CAST: variants seen among roughly 807,000 people sequenced by gnomAD.
The protein encoded by CAST is MIR583 host.
In CAST, 76 loss-of-function variants were observed where a neutral mutation model predicts 119.6. The ratio of observed to expected loss-of-function variants is 0.64; its 90% CI spans 0.53 to 0.77. CAST has a LOEUF of 0.77. Among genes scored for constraint, CAST ranks in the 30% least tolerant of loss-of-function variants. The pLI is 0.00. For missense variants in CAST, 953 were observed against 946.5 expected (o/e 1.01, Z -0.09); for synonymous variants, 319 against 331.6 (o/e 0.96, Z 0.41).
chr5:95,973,446 G>C, the CAST span: 1 of 152,940 alleles, frequency 6.5e-6, no homozygotes, highest in African/African-American at 2.4e-5. Flanking sequence ...ATGGTGGCCA[G>C]CATGGGTGTA....
At chr5:96,602,555 C>G (rs1424240113) in intron 1 of CAST, among the ~76,000 whole-genome samples, 1 of 152,150 alleles carries the variant, frequency 6.6e-6, no homozygotes, top group Non-Finnish European at 1.5e-5. Flanking sequence ...AGTCCGAGAC[C>G]AGCCTGGTCA....
At chr5:96,726,146 G>A (rs1331520476) in intron 4 of CAST, among the ~76,000 whole-genome samples, 11 of 152,172 alleles carry the variant, frequency 7.2e-5, no homozygotes, top group Non-Finnish European at 1.2e-4. Context: ...ACCCTAGTTT[G>A]TAATCTCTGA....
At chr5:96,382,304 C>T in the CAST span, among the ~76,000 whole-genome samples, 1 of 152,162 alleles carries the variant, frequency 6.6e-6, no homozygotes, top group Non-Finnish European at 1.5e-5. Flanking sequence ...CAGGTGAATT[C>T]TGCTGTTTGT....
chr5:96,551,852 C>G (rs923605193), intron 1 of CAST, among the ~76,000 whole-genome samples: 1 of 152,090 alleles, frequency 6.6e-6, no homozygotes, highest in African/African-American at 2.4e-5. Flanking sequence ...GGGATCAATT[C>G]AACAAGAAGA....
At chr5:96,696,695 A>AAAAAAAAAAAAC (rs1753334415) in intron 3 of CAST, among the ~76,000 whole-genome samples, 1 of 149,452 alleles carries the variant, frequency 6.7e-6, no homozygotes, top group Non-Finnish European at 1.5e-5. Flanking sequence ...CTAAAAAAAA[A>AAAAAAAAAAAAC]AAAATTAAAA....
intron 16 of CAST, chr5:96,743,866 G>T: frequency 1.4e-6 from 1 of 696,268 alleles, no homozygotes. Context: ...GAATCCTGGG[G>T]GGAGTCAGGA....
intron 1 of CAST, among the ~76,000 whole-genome samples, chr5:96,567,107 C>T (rs766141755): frequency 4.9e-4 from 75 of 152,172 alleles, no homozygotes; most frequent in Non-Finnish European, 9.3e-4. Context: ...AAGAAGAGAG[C>T]TCATTCATTA....
At chr5:96,744,182 A>G (rs950917993) in intron 16 of CAST, among the ~76,000 whole-genome samples, 1 of 152,218 alleles carries the variant, frequency 6.6e-6, no homozygotes, top group African/African-American at 2.4e-5. Context: ...CTAAAATTCC[A>G]GCAAAAAGAA....
chr5:96,456,035 G>C, the CAST span, among the ~76,000 whole-genome samples: 1 of 151,860 alleles, frequency 6.6e-6, no homozygotes, highest in Non-Finnish European at 1.5e-5. Context: ...AACAGGGCTG[G>C]GTATAACATG....
At chr5:96,017,977 A>G in the CAST span, among the ~76,000 whole-genome samples, 21 of 152,342 alleles carry the variant, frequency 1.4e-4, no homozygotes, top group Non-Finnish European at 2.8e-4. Flanking sequence ...ATAAAAGCCC[A>G]GATGGTTATT....
chr5:96,561,551 C>T (rs932372553), intron 1 of CAST, among the ~76,000 whole-genome samples: 2 of 146,792 alleles, frequency 1.4e-5, no homozygotes, highest in Non-Finnish European at 3.0e-5. Context: ...CATCACACAC[C>T]GGGGCCTGTT....
chr5:96,570,641 A>C (rs1438188166), intron 1 of CAST, among the ~76,000 whole-genome samples: 2 of 152,240 alleles, frequency 1.3e-5, no homozygotes, highest in Admixed American at 6.5e-5. Flanking sequence ...TAAAACATGT[A>C]GAGTGTGCCC....
the CAST span, among the ~76,000 whole-genome samples, chr5:96,506,793 A>C: frequency 3.9e-5 from 6 of 152,182 alleles, no homozygotes; most frequent in Non-Finnish European, 5.9e-5. Context: ...GTCTAAGAAC[A>C]AGGCTGGCCA....
At chr5:96,054,076 A>C in the CAST span, among the ~76,000 whole-genome samples, 1 of 152,066 alleles carries the variant, frequency 6.6e-6, no homozygotes, top group African/African-American at 2.4e-5. Flanking sequence ...CTGTGTGGTG[A>C]TTCTAATAGA....
At chr5:96,093,450 G>A in the CAST span, among the ~76,000 whole-genome samples, 1 of 152,376 alleles carries the variant, frequency 6.6e-6, no homozygotes, top group South Asian at 2.1e-4. Flanking sequence ...AAGGGACAAT[G>A]GGCAGGGTGG....
chr5:96,622,039 G>A (rs62364685), intron 1 of CAST, among the ~76,000 whole-genome samples: 7 of 134,428 alleles, frequency 5.2e-5, no homozygotes, highest in African/African-American at 8.6e-5. Context: ...GCGCAATCTC[G>A]GCTCACTGCA....
At chr5:96,437,350 T>G in the CAST span, among the ~76,000 whole-genome samples, 1 of 152,210 alleles carries the variant, frequency 6.6e-6, no homozygotes, top group Non-Finnish European at 1.5e-5. Context: ...TGAAAATGGA[T>G]AATTAAATGT....
At chr5:96,208,218 T>C in the CAST span, among the ~76,000 whole-genome samples, 32 of 151,804 alleles carry the variant, frequency 2.1e-4, no homozygotes, top group African/African-American at 7.5e-4. Context: ...CCTTTTTTTT[T>C]CCTTTATTAG....
At chr5:96,668,600 T>A (rs1749648044) in intron 1 of CAST, among the ~76,000 whole-genome samples, 1 of 152,140 alleles carries the variant, frequency 6.6e-6, no homozygotes, top group Non-Finnish European at 1.5e-5. Flanking sequence ...TTTTCATAAA[T>A]TTGCCAGCCC....
Sources: gnomAD v4.1 joint callset for allele counts (sites outside exome capture counted in the v4.1 genomes callset) on GRCh38, gnomAD v4.1.1 for gene constraint, MANE v1.5 for transcripts, NCBI Gene and HGNC (gene_info 2026-07-23, HGNC 2026-07-21) for gene names.